The following FAM107B variants were observed in gnomAD, a reference collection of about 807,000 sequenced individuals.
FAM107B encodes the protein family with sequence similarity 107 member B.
FAM107B carries 21 observed loss-of-function variants against 31.5 expected under a neutral mutation model. The observed-to-expected ratio is 0.67, with a 90% confidence interval of 0.47 to 0.96. The LOEUF is 0.96. Among genes scored for constraint, FAM107B ranks in the 40% least tolerant of loss-of-function variants. The pLI is 0.00. For synonymous variants in FAM107B, 157 were observed against 141.5 expected, an observed-to-expected ratio of 1.11 and a Z score of -0.78; for missense variants, 452 against 377.1, an observed-to-expected ratio of 1.20 and a Z score of -1.64.
At chr10:14,575,494 C>A (rs979947380) in intron 2 of FAM107B, among the ~76,000 whole-genome samples, 1 of 152,108 alleles carries the variant, frequency 6.6e-6, no homozygotes, top group African/African-American at 2.4e-5. Flanking sequence ...TGAGACACTG[C>A]GCCCGGCCAA....
intron 1 of FAM107B, among the ~76,000 whole-genome samples, chr10:14,702,036 C>G (rs1387425656): frequency 6.6e-6 from 1 of 152,206 alleles, no homozygotes; most frequent in Non-Finnish European, 1.5e-5. Flanking sequence ...AATAAAAATT[C>G]CTGTATTTCT....
intron 2 of FAM107B, among the ~76,000 whole-genome samples, chr10:14,573,964 C>CTCCTTCTT (rs1851383575): frequency 1.4e-5 from 1 of 73,282 alleles, no homozygotes; most frequent in Non-Finnish European, 3.2e-5. Flanking sequence ...TGCTCTTTCT[C>CTCCTTCTT]TCATAATCTA....
At chr10:14,570,957 T>C (rs1851170457) in intron 2 of FAM107B, among the ~76,000 whole-genome samples, 1 of 151,884 alleles carries the variant, frequency 6.6e-6, no homozygotes, top group Admixed American at 6.6e-5. Context: ...TAAAATCAAA[T>C]ATGTCTTAGC....
intron 2 of FAM107B, among the ~76,000 whole-genome samples, chr10:14,627,409 A>G (rs1853193147): frequency 6.6e-6 from 1 of 152,202 alleles, no homozygotes; most frequent in African/African-American, 2.4e-5. Context: ...TCATGCAAAT[A>G]CCTGTTAAAA....
Position 14,692,808 on chromosome 10 carries a change from G to A in FAM107B, c.412-25117C>T, listed in dbSNP as rs923371213. Among the ~76,000 whole-genome samples the A allele has an allele frequency of 8.5e-5, 13 of 152,178 alleles. No homozygotes were observed. In the East Asian group the frequency reaches 1.2e-3, roughly 14 times the overall value. ...TGAACGTTGTCTTGCTGCACGGGCC[G>A]GGGTTATTCAATTATCCTCTCTGAT... On this transcript the variant is annotated intron_variant, in intron 1 of 4. Transcript: ENST00000181796.
intron 1 of FAM107B, among the ~76,000 whole-genome samples, chr10:14,678,482 G>T (rs897041957): frequency 6.6e-6 from 1 of 152,150 alleles, no homozygotes; most frequent in Non-Finnish European, 1.5e-5. Context: ...GCTAGGAAAC[G>T]TGGGGGACAC....
chr10:14,706,129 A>C (rs1047328705), intron 1 of FAM107B, among the ~76,000 whole-genome samples: 5 of 152,182 alleles, frequency 3.3e-5, no homozygotes, highest in African/African-American at 1.2e-4. Flanking sequence ...TGCAGACCTT[A>C]AGCCAGTTTC....
intron 2 of FAM107B, among the ~76,000 whole-genome samples, chr10:14,647,685 C>CA (rs35141961): frequency 0.051 from 4,549 of 88,780 alleles, 121 homozygotes; most frequent in Middle Eastern, 0.089. Context: ...GACTCCATCT[C>CA]AAAAAAAAAA....
At chr10:14,675,250 T>C (rs1013723485) in intron 1 of FAM107B, among the ~76,000 whole-genome samples, 1 of 152,108 alleles carries the variant, frequency 6.6e-6, no homozygotes, top group African/African-American at 2.4e-5. Context: ...GGAACTCCTT[T>C]CCCAATTTTA....
intron 2 of FAM107B, among the ~76,000 whole-genome samples, chr10:14,617,778 T>G: frequency 2.1e-5 from 3 of 142,298 alleles, no homozygotes; most frequent in African/African-American, 5.2e-5. Flanking sequence ...AAAAAAGGCC[T>G]GAGACAGGCC....
At chr10:14,736,187 G>C (rs551900623) in intron 1 of FAM107B, among the ~76,000 whole-genome samples, 2 of 152,246 alleles carry the variant, frequency 1.3e-5, no homozygotes, top group South Asian at 4.1e-4. Context: ...CAAGCTGAAA[G>C]GGAACTGAGA....
At chr10:14,665,459 C>CA (rs1854380293) in intron 2 of FAM107B, among the ~76,000 whole-genome samples, 1 of 152,188 alleles carries the variant, frequency 6.6e-6, no homozygotes, top group African/African-American at 2.4e-5. Context: ...CGTGTGTGAA[C>CA]AAATGTTCTC....
intron 2 of FAM107B, among the ~76,000 whole-genome samples, chr10:14,573,690 G>C (rs1398042919): frequency 6.6e-6 from 1 of 152,034 alleles, no homozygotes; most frequent in African/African-American, 2.4e-5. Flanking sequence ...GTTGCAGTAA[G>C]CTGCATCACC....
intron 2 of FAM107B, among the ~76,000 whole-genome samples, chr10:14,536,878 A>T (rs1227563898): frequency 6.6e-6 from 1 of 152,226 alleles, no homozygotes; most frequent in Non-Finnish European, 1.5e-5. Context: ...GTTGTTGTAC[A>T]AATGCCAAAC....
At chr10:14,582,422 G>C (rs1285774979) in intron 2 of FAM107B, among the ~76,000 whole-genome samples, 2 of 128,882 alleles carry the variant, frequency 1.6e-5, no homozygotes, top group Admixed American at 1.9e-4. Flanking sequence ...TGTTGCCCAG[G>C]CTGGAGTGCA....
chr10:14,753,869 T>C (rs924071636), intron 1 of FAM107B, among the ~76,000 whole-genome samples: 19 of 150,540 alleles, frequency 1.3e-4, no homozygotes, highest in African/African-American at 4.1e-4. Context: ...ATATAACAAA[T>C]ACTATGGCTA....
At chr10:14,688,737 T>C (rs528846112) in intron 1 of FAM107B, among the ~76,000 whole-genome samples, 1 of 152,252 alleles carries the variant, frequency 6.6e-6, no homozygotes, top group South Asian at 2.1e-4. Flanking sequence ...GAGCTTCCAT[T>C]TTCCAGACAT....
At chr10:14,617,342 G>C (rs545317791) in intron 2 of FAM107B, among the ~76,000 whole-genome samples, 2 of 152,230 alleles carry the variant, frequency 1.3e-5, no homozygotes, top group Non-Finnish European at 2.9e-5. Flanking sequence ...GGTGGAGCAG[G>C]GGGGCCTTAC....
intron 1 of FAM107B, among the ~76,000 whole-genome samples, chr10:14,692,881 G>A (rs1384638105): frequency 1.3e-5 from 2 of 152,154 alleles, no homozygotes; most frequent in East Asian, 3.8e-4. Context: ...TGACTTTTAC[G>A]AGCCATAATA....
Sources: allele counts gnomAD v4.1 joint callset (sites outside exome capture counted in the v4.1 genomes callset), GRCh38; gene constraint gnomAD v4.1.1; transcripts MANE v1.5; gene names NCBI Gene and HGNC (gene_info 2026-07-23, HGNC 2026-07-21).